Variants in COL5A2 observed in about 807,000 individuals in gnomAD.
The protein encoded by COL5A2 is collagen type V alpha 2 chain.
Under a neutral mutation model 208.2 loss-of-function variants are expected in COL5A2, and 23 were observed. The observed-to-expected ratio is 0.11, with a 90% CI of 0.08 to 0.16. COL5A2 has a LOEUF of 0.16. COL5A2 is among the 10% of genes least tolerant of loss of function. COL5A2 has a pLI of 1.00. For synonymous variants in COL5A2, 625 were observed against 628.5 expected (o/e 0.99, Z 0.08); for missense variants, 1,590 against 1,956.4 (o/e 0.81, Z 3.53).
intron 6 of COL5A2, chr2:189,095,745 C>G (rs1261930240): frequency 6.6e-6 from 1 of 152,052 alleles, no homozygotes; most frequent in African/African-American, 2.4e-5. Flanking sequence ...TGTACAAATA[C>G]ACCAATGCAA....
the COL5A2 span, among the ~76,000 whole-genome samples, chr2:189,257,098 C>T: frequency 2.6e-5 from 4 of 152,250 alleles, no homozygotes; most frequent in East Asian, 5.8e-4. Context: ...GATCTAAGTA[C>T]CTAGAAGGAA....
the COL5A2 span, among the ~76,000 whole-genome samples, chr2:189,419,859 G>C: frequency 6.7e-6 from 1 of 149,252 alleles, no homozygotes; most frequent in South Asian, 2.1e-4. Flanking sequence ...AAGGAAAAGA[G>C]GTGAGAGGAG....
Position 189,052,224 on chromosome 2 carries a change from C to A in COL5A2, c.2717G>T (p.Gly906Val). 1 of 1,613,710 alleles carries A rather than the reference C, an allele frequency of 6.2e-7. No individual in the cohort carries two copies. Among genetic ancestry groups the A allele is most frequent in the Non-Finnish European group, 8.5e-7 (1 of 1,179,756 alleles). The change falls in exon 41 of 54, where the codon GGT becomes GTT. Residue 906 changes from glycine (G) to valine (V), a missense_variant and splice_region_variant. Gly to Val is a moderately radical substitution (Grantham distance 109). Transcript: ENST00000374866. The stretch of plus-strand genomic sequence containing the variant: ...CGCAGAACCAGGAAATCCTGTAGCA[C>A]CCTAGAACCAGAATATCATATAAGC... ...KGGRGTQGPP[G>V]ATGFPGSAGR...
intron 2 of COL5A2, among the ~76,000 whole-genome samples, chr2:189,107,321 A>C (rs1687171003): frequency 6.6e-6 from 1 of 151,536 alleles, no homozygotes; most frequent in Non-Finnish European, 1.5e-5. Flanking sequence ...GTCTTAGAAA[A>C]TTATTCATAT....
the COL5A2 span, among the ~76,000 whole-genome samples, chr2:189,377,524 C>G: frequency 6.6e-6 from 1 of 152,082 alleles, no homozygotes; most frequent in Admixed American, 6.6e-5. Context: ...AATAGAAGCT[C>G]AATAAAAACA....
intron 1 of COL5A2, among the ~76,000 whole-genome samples, chr2:189,196,552 A>G (rs1017299865): frequency 6.8e-6 from 1 of 148,062 alleles, no homozygotes; most frequent in African/African-American, 2.5e-5. Context: ...AATCCAGCTT[A>G]CTTAGCTACC....
chr2:189,300,782 C>T, the COL5A2 span, among the ~76,000 whole-genome samples: 1 of 152,228 alleles, frequency 6.6e-6, no homozygotes, highest in African/African-American at 2.4e-5. Flanking sequence ...AATGCTGCCC[C>T]AAAGAATAGA....
the COL5A2 span, among the ~76,000 whole-genome samples, chr2:189,436,633 A>T: frequency 1.3e-5 from 2 of 152,154 alleles, no homozygotes; most frequent in Non-Finnish European, 2.9e-5. Context: ...GGATGAAGAA[A>T]ATATGGTACA....
chr2:189,085,681 C>A, intron 10 of COL5A2, 38 bp downstream of exon 10: 1 of 1,577,364 alleles, frequency 6.3e-7, no homozygotes, highest in South Asian at 1.1e-5. Flanking sequence ...ATGGTGGACC[C>A]AAATGTAACT....
At chr2:189,268,826 C>G in the COL5A2 span, among the ~76,000 whole-genome samples, 37 of 152,194 alleles carry the variant, frequency 2.4e-4, no homozygotes, top group African/African-American at 8.9e-4. Flanking sequence ...AGTTGTGTAT[C>G]TTTTGGTCAA....
At chr2:189,350,582 G>C in the COL5A2 span, among the ~76,000 whole-genome samples, 1 of 152,152 alleles carries the variant, frequency 6.6e-6, no homozygotes, top group Admixed American at 6.5e-5. Flanking sequence ...GTCAACACAG[G>C]AAAGTCCTGC....
chr2:189,036,585 A>C, intron 52 of COL5A2, 31 bp downstream of exon 52: 1 of 1,540,994 alleles, frequency 6.5e-7, no homozygotes, highest in Non-Finnish European at 8.9e-7. Flanking sequence ...AAAAGTAAAG[A>C]ATACAATTTT....
At chr2:189,264,539 A>G in the COL5A2 span, among the ~76,000 whole-genome samples, 1 of 152,202 alleles carries the variant, frequency 6.6e-6, no homozygotes, top group South Asian at 2.1e-4. Context: ...ACATGATGGT[A>G]AAACCATAAA....
the COL5A2 span, among the ~76,000 whole-genome samples, chr2:189,300,299 C>T: frequency 1.3e-5 from 2 of 152,146 alleles, no homozygotes; most frequent in Admixed American, 1.3e-4. Context: ...TTTAAATCCA[C>T]TCTACACATT....
At chr2:189,300,921 T>A in the COL5A2 span, among the ~76,000 whole-genome samples, 23 of 152,328 alleles carry the variant, frequency 1.5e-4, no homozygotes, top group East Asian at 2.3e-3. Context: ...GCATGGTGGA[T>A]CACACCTATA....
chr2:189,362,802 C>CAG, the COL5A2 span, among the ~76,000 whole-genome samples: 3 of 152,018 alleles, frequency 2.0e-5, no homozygotes, highest in Non-Finnish European at 4.4e-5. Flanking sequence ...ATAGAGAAGA[C>CAG]AGTCCTTTGA....
the COL5A2 span, among the ~76,000 whole-genome samples, chr2:189,349,843 T>G: frequency 1.3e-5 from 2 of 152,136 alleles, no homozygotes; most frequent in African/African-American, 4.8e-5. Context: ...TACTGATGCT[T>G]TCAAAGTAAA....
intron 1 of COL5A2, 43 bp downstream of exon 1, chr2:189,179,465 A>C (rs1313183599): frequency 6.3e-7 from 1 of 1,593,286 alleles, no homozygotes; most frequent in East Asian, 2.2e-5. Context: ...TATTTCCCAA[A>C]CCGTGCAATA....
chr2:189,354,920 G>A, the COL5A2 span, among the ~76,000 whole-genome samples: 1 of 152,154 alleles, frequency 6.6e-6, no homozygotes, highest in African/African-American at 2.4e-5. Context: ...GGTATTTAGT[G>A]CTATAAATTT....
Sources: allele counts gnomAD v4.1 joint callset (sites outside exome capture counted in the v4.1 genomes callset), GRCh38; gene constraint gnomAD v4.1.1; transcripts MANE v1.5; gene names NCBI Gene and HGNC (gene_info 2026-07-23, HGNC 2026-07-21).